The following FGF13 variants were observed in gnomAD, a reference collection of about 807,000 sequenced individuals.
FGF13 encodes fibroblast growth factor 13.
FGF13 carries 2 observed loss-of-function variants against 19.5 expected under a neutral mutation model. That is an observed-to-expected ratio of 0.10 (90% CI 0.04 to 0.32). The LOEUF is 0.32. Among genes scored for constraint, FGF13 ranks in the 10% least tolerant of loss-of-function variants. The probability of loss-of-function intolerance (pLI) is 1.00; values close to 1 mark genes in which losing one functional copy is unlikely to be tolerated. For missense variants in FGF13, 113 were observed against 192.7 expected (o/e 0.59, Z 2.45); for synonymous variants, 72 against 76.9 (o/e 0.94, Z 0.33).
intron 1 of FGF13, among the ~76,000 whole-genome samples, chrX:139,196,606 T>C (rs2084374702): frequency 8.9e-6 from 1 of 112,255 alleles, no homozygotes; most frequent in African/African-American, 3.2e-5. Context: ...TTCGTCTTTG[T>C]GCAAACCTGC....
intron 1 of FGF13, among the ~76,000 whole-genome samples, chrX:138,950,809 T>C (rs924862602): frequency 9.0e-6 from 1 of 111,399 alleles, no homozygotes; most frequent in Non-Finnish European, 1.9e-5. Context: ...TTTGTAACTA[T>C]AGCCTACCCC....
intron 3 of FGF13, among the ~76,000 whole-genome samples, chrX:138,668,792 T>C (rs1194674519): frequency 9.1e-6 from 1 of 110,483 alleles, no homozygotes; most frequent in Non-Finnish European, 1.9e-5. Context: ...AAAAGCAGTG[T>C]TGTGAAAGCC....
chrX:138,828,587 AAT>A (rs2091050749), intron 3 of FGF13, among the ~76,000 whole-genome samples: 1 of 110,812 alleles, frequency 9.0e-6, no homozygotes, highest in Non-Finnish European at 1.9e-5. Context: ...AAAAAAAAAA[AAT>A]CTCCATTAAG....
At chrX:139,067,540 C>A (rs1257502915) in intron 1 of FGF13, among the ~76,000 whole-genome samples, 1 of 111,548 alleles carries the variant, frequency 9.0e-6, no homozygotes, top group Non-Finnish European at 1.9e-5. Flanking sequence ...ACAATTGCTA[C>A]TAAAAGAATA....
intron 3 of FGF13, among the ~76,000 whole-genome samples, chrX:138,679,358 C>A (rs766811548): frequency 1.9e-4 from 21 of 111,095 alleles, no homozygotes; most frequent in Admixed American, 1.8e-3. Context: ...GGGCTACAGG[C>A]ACGAGCCACC....
intron 1 of FGF13, among the ~76,000 whole-genome samples, chrX:138,898,385 T>C (rs2091514781): frequency 8.9e-6 from 1 of 112,165 alleles, no homozygotes; most frequent in Non-Finnish European, 1.9e-5. Flanking sequence ...CCAGGCAATT[T>C]ACCACGTGCT....
chrX:139,012,708 C>G (rs780344361), intron 1 of FGF13, among the ~76,000 whole-genome samples: 1 of 111,523 alleles, frequency 9.0e-6, no homozygotes, highest in Non-Finnish European at 1.9e-5. Context: ...CAAGATGGAT[C>G]AAAAACTTAA....
intron 1 of FGF13, among the ~76,000 whole-genome samples, chrX:138,867,254 T>C (rs1238300563): frequency 4.5e-5 from 5 of 110,357 alleles, no homozygotes; most frequent in Admixed American, 9.7e-5. Context: ...CAAAAAAAAT[T>C]TTAATGTAAA....
At chrX:139,157,930 T>C (rs1004482052) in intron 1 of FGF13, among the ~76,000 whole-genome samples, 2 of 112,207 alleles carry the variant, frequency 1.8e-5, no homozygotes, top group African/African-American at 6.5e-5. Context: ...TGGGACTGGT[T>C]AGACAGTGGG....
intron 1 of FGF13, among the ~76,000 whole-genome samples, chrX:138,869,128 T>C: frequency 9.0e-6 from 1 of 111,321 alleles, no homozygotes; most frequent in Non-Finnish European, 1.9e-5. Context: ...GCAGGTAGGG[T>C]GCTCTTCTTT....
At chrX:138,674,699 T>A (rs746145806) in intron 3 of FGF13, among the ~76,000 whole-genome samples, 2 of 110,423 alleles carry the variant, frequency 1.8e-5, no homozygotes, top group African/African-American at 6.6e-5. Flanking sequence ...AGTCAAACAG[T>A]GGGATGCTTG....
Position 138,872,326 on chromosome X carries a change from C to G in FGF13, c.-112-7676G>C, listed in dbSNP as rs189980184. Among the ~76,000 whole-genome samples the G allele has an allele frequency of 2.1e-4, 23 of 112,089 alleles. No individual in the cohort carries two copies. In the Admixed American group the frequency reaches 2.2e-3, roughly 11 times the overall value. On this transcript the variant is annotated intron_variant, in intron 1 of 2. Transcript: ENST00000421460. ...AGAGACATCCCACAGTTAGCTCTCT[C>G]CTGTGGTGTCTCATTGCACTAAATC...
upstream of FGF13, among the ~76,000 whole-genome samples, chrX:138,743,971 C>A (rs971012663): frequency 1.8e-5 from 2 of 110,441 alleles, no homozygotes; most frequent in Non-Finnish European, 3.8e-5. Context: ...ATTTTGTGTT[C>A]CTCCTCCTCC....
upstream of FGF13, chrX:139,203,983 C>T: frequency 9.2e-7 from 1 of 1,090,716 alleles, no homozygotes; most frequent in Non-Finnish European, 1.3e-6. Context: ...AAGGAGCCGC[C>T]GGAGGGCGGC....
rs189619911 is a variant in FGF13, at chrX:138,735,156, A to G, written c.28+4086T>C. Among the ~76,000 whole-genome samples, 109 of 112,257 alleles carry G rather than the reference A, an allele frequency of 9.7e-4. 1 individual carries two copies. Among genetic ancestry groups the G allele is most frequent in the Non-Finnish European group, 1.8e-3 (96 of 53,156 alleles). ...ATATTAGCTAGTATTAGAGCTGGAA[A>G]AATATCTTCTCATTCAGCTATGCAG... is the stretch of plus-strand genomic sequence containing the variant. On this transcript the variant is annotated intron_variant, in intron 1 of 4. Coordinates refer to the FGF13 transcript ENST00000305414.
intron 1 of FGF13, among the ~76,000 whole-genome samples, chrX:138,719,599 A>T (rs932301850): frequency 1.8e-5 from 2 of 112,005 alleles, no homozygotes; most frequent in African/African-American, 6.5e-5. Flanking sequence ...GTACAGGAAA[A>T]ACTGGCTTTC....
chrX:139,202,833 C>A (rs1442091701), intron 1 of FGF13, among the ~76,000 whole-genome samples: 1 of 111,233 alleles, frequency 9.0e-6, no homozygotes, highest in Non-Finnish European at 1.9e-5. Flanking sequence ...AAAGCTGGGA[C>A]TCCCTGCGCT....
intron 1 of FGF13, among the ~76,000 whole-genome samples, chrX:138,999,565 C>A (rs2092062332): frequency 8.9e-6 from 1 of 112,121 alleles, no homozygotes; most frequent in Non-Finnish European, 1.9e-5. Flanking sequence ...CACCTCTACA[C>A]AAATAAACTA....
chrX:139,188,994 A>T (rs2084302506), intron 1 of FGF13, among the ~76,000 whole-genome samples: 2 of 110,717 alleles, frequency 1.8e-5, no homozygotes, highest in South Asian at 7.7e-4. Flanking sequence ...CAGGAATGGA[A>T]ATAAATGGTA....
Sources: gnomAD v4.1 joint callset for allele counts (sites outside exome capture counted in the v4.1 genomes callset) on GRCh38, gnomAD v4.1.1 for gene constraint, MANE v1.5 for transcripts, NCBI Gene and HGNC (gene_info 2026-07-23, HGNC 2026-07-21) for gene names.